The following FANCD2 variants were observed in gnomAD, a reference collection of about 807,000 sequenced individuals.
FANCD2 encodes Fanconi anemia group D2 protein.
A neutral mutation model predicts 192.3 loss-of-function variants in FANCD2; 131 were observed. The observed-to-expected ratio is 0.68, with a 90% CI of 0.59 to 0.79. FANCD2 has a LOEUF of 0.79. Among genes scored for constraint, FANCD2 ranks in the 30% least tolerant of loss-of-function variants. The pLI, the probability that FANCD2 is intolerant of heterozygous loss-of-function variation, is 0.00. For synonymous variants in FANCD2, 524 were observed against 612.5 expected, an observed-to-expected ratio of 0.86 and a Z score of 2.13; for missense variants, 1,508 against 1,701.6, an observed-to-expected ratio of 0.89 and a Z score of 2.00.
rs182719538 is a variant in FANCD2, at chr3:10,050,395, C to T, written c.1545+890C>T. On this transcript the variant is annotated intron_variant, in intron 17 of 43. Coordinates refer to ENST00000675286, the MANE Select transcript of FANCD2 (RefSeq NM_001018115.3). ...ATCCCAGCACTTTGGGAGGCCAAGG[C>T]GGGCAAATCACGAGGTCAGGAGATC... Among the ~76,000 whole-genome samples the T allele has an allele frequency of 2.2e-4, 33 of 151,870 alleles. No individual in the cohort carries two copies. The East Asian group carries it at 2.7e-3, about 13-fold the overall frequency.
In FANCD2 at chr3:10,087,198, C is replaced by T. The variant is rs587778332; in HGVS notation, c.3400C>T (p.Leu1134Phe). 10 of 1,613,038 alleles carry T rather than the reference C, an allele frequency of 6.2e-6. No homozygotes were observed. The Admixed American group carries it at 1.5e-4, about 24-fold the overall frequency. Residue 1134 changes from leucine (L) to phenylalanine (F), a missense_variant, in exon 34 of 44, where the codon CTC becomes TTC. By Grantham distance (22) the Leu-to-Phe change is conservative. This residue lies in a region of FANCD2 where 796 missense variants were observed against 879.4 expected (regional missense o/e 0.91). Transcript: ENST00000675286. ...SIPSFQCALY[L>F]IRLLMVILEK... Reference sequence around the variant, plus strand: ...TCCCAGTTTCCAGTGTGCTCTTTATCTCATCAGACTTTTGATGGTTATTTT... The same window carrying T: ...TCCCAGTTTCCAGTGTGCTCTTTATTTCATCAGACTTTTGATGGTTATTTT...
intron 19 of FANCD2, among the ~76,000 whole-genome samples, chr3:10,061,044 C>T (rs1285293485): frequency 2.0e-5 from 3 of 152,162 alleles, no homozygotes; most frequent in African/African-American, 7.2e-5. Flanking sequence ...GTAAGTCTGC[C>T]TTTTTTCATG....
At chr3:10,051,604 A>G (rs540741354) in intron 17 of FANCD2, among the ~76,000 whole-genome samples, 1 of 133,384 alleles carries the variant, frequency 7.5e-6, no homozygotes, top group African/African-American at 2.5e-5. Context: ...AGAAGCATCA[A>G]GGAGGAGAGA....
rs764296912 is a variant in FANCD2 at position 10,088,407 on chromosome 3, A to C, written c.3467-42A>C. ...AAACCTGAAAAGCAAGAATGAGGTC[A>C]AGTTCCCATATGTAAGATTCCTTTG... On this transcript the variant is annotated intron_variant, in intron 34 of 43. Transcript: ENST00000675286. 4.2e-6 allele frequency: 5 copies of C among 1,177,772 alleles called. No individual in the cohort carries two copies. In the South Asian group the frequency reaches 4.9e-5, roughly 11 times the overall value. 73.0% of individuals were successfully genotyped at this position (1,177,772 alleles called of 1,614,324 possible).
At chr3:10,044,479 C>A (rs1355321133) in intron 14 of FANCD2, among the ~76,000 whole-genome samples, 21 of 151,924 alleles carry the variant, frequency 1.4e-4, no homozygotes, top group Admixed American at 3.3e-4. Context: ...ACCAGCCTGG[C>A]CAATGTAGCG....
intron 30 of FANCD2, among the ~76,000 whole-genome samples, chr3:10,080,096 G>T (rs1469087578): frequency 6.6e-6 from 1 of 151,992 alleles, no homozygotes; most frequent in African/African-American, 2.4e-5. Flanking sequence ...TGTATTTTTA[G>T]TAAAGATGGG....
At chr3:10,076,503 T>C (rs1340852985) in intron 29 of FANCD2, among the ~76,000 whole-genome samples, 1 of 152,220 alleles carries the variant, frequency 6.6e-6, no homozygotes, top group African/African-American at 2.4e-5. Flanking sequence ...CAGAGCATAA[T>C]AGCTATCCTT....
intron 43 of FANCD2, 45 bp from the exon 44 acceptor site, chr3:10,101,143 G>A (rs1449092710): frequency 7.1e-7 from 1 of 1,410,708 alleles, no homozygotes; most frequent in African/African-American, 1.4e-5. Flanking sequence ...AGGTCACCCA[G>A]AGCAGTAACC....
chr3:10,055,756 G>A (rs993489121), intron 18 of FANCD2, among the ~76,000 whole-genome samples: 8 of 151,898 alleles, frequency 5.3e-5, no homozygotes, highest in Non-Finnish European at 1.0e-4. Flanking sequence ...AGCTTGCAGT[G>A]AGCCGAGATC....
chr3:10,094,883 TCA>T, intron 40 of FANCD2: 1 of 410,246 alleles, frequency 2.4e-6, no homozygotes, highest in South Asian at 2.3e-5. Flanking sequence ...GGTTGGTCCC[TCA>T]CAGCCCTGAA....
intron 29 of FANCD2, among the ~76,000 whole-genome samples, chr3:10,075,797 C>G (rs1693505627): frequency 8.0e-6 from 1 of 125,630 alleles, no homozygotes; most frequent in Non-Finnish European, 1.6e-5. Flanking sequence ...GTGGTGGGAT[C>G]TTGGCTCACT....
chr3:10,085,818 A>AT lies in FANCD2; in HGVS notation c.3235dup (p.Ser1079PhefsTer4). The AT allele has an allele frequency of 6.2e-7, 1 of 1,611,448 alleles. No homozygotes were observed. Among genetic ancestry groups the AT allele is most frequent in the Non-Finnish European group, 8.5e-7 (1 of 1,177,722 alleles). ...CTTACCTTGACTTCCTTAGGAGTGGATTTTCTCAACCTGAAAATCAGAATT... is the reference window on the plus strand; with the variant it reads ...CTTACCTTGACTTCCTTAGGAGTGGATTTTTCTCAACCTGAAAATCAGAATT... On this transcript the variant is annotated frameshift_variant, in exon 33 of 44. Coordinates refer to ENST00000675286, the MANE Select transcript of FANCD2 (RefSeq NM_001018115.3). LOFTEE classifies it high-confidence loss of function.
chr3:10,035,587 TTCC>T (rs1224143238), intron 6 of FANCD2, among the ~76,000 whole-genome samples: 2 of 152,192 alleles, frequency 1.3e-5, no homozygotes, highest in Non-Finnish European at 1.5e-5. Flanking sequence ...TTTTGTCCTT[TTCC>T]TCCTCCTCGT....
chr3:10,030,302 A>G (rs1348954249), intron 2 of FANCD2, among the ~76,000 whole-genome samples: 1 of 150,964 alleles, frequency 6.6e-6, no homozygotes, highest in East Asian at 2.0e-4. Context: ...TCACCGTGTT[A>G]GTCAGGCTGG....
chr3:10,028,862 G>A, intron 2 of FANCD2, 141 bp downstream of exon 2: 1 of 819,840 alleles, frequency 1.2e-6, no homozygotes, highest in East Asian at 2.7e-5. Flanking sequence ...AGAAATATCA[G>A]ATTTGGGACT....
At chr3:10,030,325 GACCTCCGGTAATCCACCCA>G (rs1251136035) in intron 2 of FANCD2, among the ~76,000 whole-genome samples, 4 of 151,766 alleles carry the variant, frequency 2.6e-5, no homozygotes, top group Admixed American at 2.6e-4. Flanking sequence ...TCAAACTCCT[GACCTCCGGTAATCCACCCA>G]CCTCAGCCTC....
intron 29 of FANCD2, among the ~76,000 whole-genome samples, chr3:10,077,681 A>C (rs1305043893): frequency 6.6e-6 from 1 of 152,120 alleles, no homozygotes; most frequent in African/African-American, 2.4e-5. Context: ...CAAGCCCAGG[A>C]GTTTGAAACC....
rs752815037 is a variant in FANCD2, at chr3:10,087,219, A to G, written c.3421A>G (p.Ile1141Val). ...ALYLIRLLMVILEKSTASAQN... is the reference protein window; with the variant it reads ...ALYLIRLLMVVLEKSTASAQN... ...TTATCTCATCAGACTTTTGATGGTTATTTTGGAGAAATCAACAGCTTCTGC... is the reference window on the plus strand; with the variant it reads ...TTATCTCATCAGACTTTTGATGGTTGTTTTGGAGAAATCAACAGCTTCTGC... Residue 1141 changes from isoleucine to valine, a missense_variant, in exon 34 of 44, where the codon ATT becomes GTT. By Grantham distance (29) the Ile-to-Val change is conservative. Transcript: ENST00000675286. The G allele has an allele frequency of 5.0e-6, 8 of 1,598,966 alleles. No homozygotes were observed. In the Admixed American group the frequency reaches 8.5e-5, roughly 17 times the overall value.
intron 34 of FANCD2, 72 bp from the exon 35 acceptor site, chr3:10,088,377 C>G (rs1413372049): frequency 1.1e-6 from 1 of 940,570 alleles, no homozygotes; most frequent in African/African-American, 1.6e-5. Context: ...AATAATCATC[C>G]TCAAAAACCT....
Sources: gnomAD v4.1 joint callset for allele counts (sites outside exome capture counted in the v4.1 genomes callset) on GRCh38, gnomAD v4.1.1 for gene constraint, gnomAD v4.1.1 regional missense constraint, MANE v1.5 for transcripts, NCBI Gene and HGNC (gene_info 2026-07-23, HGNC 2026-07-21) for gene names.